ROR1: variants seen among roughly 807,000 people sequenced by gnomAD.
The protein encoded by ROR1 is ROR family WNT receptor 1, also known as inactive tyrosine-protein kinase transmembrane receptor ROR1.
Under a neutral mutation model 78.8 loss-of-function variants are expected in ROR1, and 19 were observed. That is an observed-to-expected ratio of 0.24 (90% CI 0.17 to 0.35). The LOEUF (loss-of-function observed/expected upper bound fraction) is 0.35, where lower values mean the gene tolerates loss of function less well. ROR1 is among the 10% of genes least tolerant of loss of function. The probability of loss-of-function intolerance (pLI) is 1.00; values close to 1 mark genes in which losing one functional copy is unlikely to be tolerated. For synonymous variants in ROR1, 386 were observed against 433.6 expected, an observed-to-expected ratio of 0.89 and a Z score of 1.36; for missense variants, 917 against 1,177.8, an observed-to-expected ratio of 0.78 and a Z score of 3.24.
In ROR1 at chr1:64,180,734, A is replaced by G. The variant is rs754701934; in HGVS notation, c.*1879A>G. 1 of 152,152 alleles carries G rather than the reference A, an allele frequency of 6.6e-6. No homozygotes were observed. The highest frequency in any genetic ancestry group is 1.5e-5 in the Non-Finnish European group (1 of 67,986). The allele number at this position is 152,152 out of a possible 1,614,324, so 9.4% of individuals were successfully genotyped here. ...AATTTTGTATATCATATGACAATCA[A>G]TTGTTTTCCAAGAATATTTATTATT... On this transcript the variant is annotated 3_prime_UTR_variant, in exon 9 of 9. Transcript: ENST00000371079.
chr1:63,911,775 A>T (rs1645572063), intron 1 of ROR1, among the ~76,000 whole-genome samples: 2 of 152,220 alleles, frequency 1.3e-5, no homozygotes, highest in Non-Finnish European at 2.9e-5. Flanking sequence ...AGGAATAAAA[A>T]GTTTAAGCCA....
chr1:63,887,436 G>T (rs1645364859), intron 1 of ROR1, among the ~76,000 whole-genome samples: 1 of 151,956 alleles, frequency 6.6e-6, no homozygotes, highest in Non-Finnish European at 1.5e-5. Flanking sequence ...TTATGTGTTT[G>T]GTTCCATCAG....
At chr1:63,903,348 A>AT (rs1307396351) in intron 1 of ROR1, among the ~76,000 whole-genome samples, 2 of 152,036 alleles carry the variant, frequency 1.3e-5, no homozygotes, top group East Asian at 3.8e-4. Context: ...AGTGCCAGGG[A>AT]TATTTCTCCC....
At chr1:64,059,169 A>T (rs1646897248) in intron 4 of ROR1, among the ~76,000 whole-genome samples, 1 of 151,808 alleles carries the variant, frequency 6.6e-6, no homozygotes, top group South Asian at 2.1e-4. Flanking sequence ...TTTATTCCTA[A>T]TTTTAATAAT....
At chr1:64,057,732 G>C (rs566391706) in intron 4 of ROR1, among the ~76,000 whole-genome samples, 1 of 152,146 alleles carries the variant, frequency 6.6e-6, no homozygotes, top group Non-Finnish European at 1.5e-5. Context: ...AATAACTCAG[G>C]ACTGTACCTT....
intron 2 of ROR1, chr1:64,028,889 G>A (rs1329489013): frequency 2.0e-5 from 3 of 151,974 alleles, no homozygotes; most frequent in Non-Finnish European, 4.4e-5. Flanking sequence ...CTTATTCATT[G>A]TTTTAAAAAT....
Position 63,799,643 on chromosome 1 carries a change from G to GT in ROR1, c.91+25146dup, listed in dbSNP as rs58126335. 4.5e-3 allele frequency among the ~76,000 whole-genome samples: 661 copies of GT among 147,338 alleles called. 8 individuals carry two copies. Among genetic ancestry groups the GT allele is most frequent in the East Asian group, 0.025 (127 of 5,070 alleles). ...AAAAAACACCCATTTTTCCTCTCCTGTTTTTTTTTTTGTTTTTAAACAGCT... is the reference window on the plus strand; with the variant it reads ...AAAAAACACCCATTTTTCCTCTCCTGTTTTTTTTTTTTGTTTTTAAACAGCT... On this transcript the variant is annotated intron_variant, in intron 1 of 8. Transcript: ENST00000371079.
At chr1:63,823,234 G>A (rs1221455416) in intron 1 of ROR1, among the ~76,000 whole-genome samples, 1 of 151,970 alleles carries the variant, frequency 6.6e-6, no homozygotes, top group Non-Finnish European at 1.5e-5. Flanking sequence ...AATCCATGAT[G>A]GGACTTGCTA....
At chr1:63,838,560 G>A (rs547571371) in intron 1 of ROR1, among the ~76,000 whole-genome samples, 2 of 152,202 alleles carry the variant, frequency 1.3e-5, no homozygotes, top group African/African-American at 4.8e-5. Context: ...GCTATACAAT[G>A]TGTTTATGTT....
At chr1:64,071,996 A>G (rs1647007940) in intron 4 of ROR1, among the ~76,000 whole-genome samples, 1 of 152,156 alleles carries the variant, frequency 6.6e-6, no homozygotes, top group African/African-American at 2.4e-5. Flanking sequence ...GTTGTGGTCC[A>G]TGGTTTAGTT....
chr1:64,163,222 AACACACACACACACACACACAC>A lies in ROR1; in HGVS notation c.1386+4054_1386+4075del, dbSNP rs57880828. On this transcript the variant is annotated intron_variant, in intron 8 of 8. Transcript: ENST00000371079. ...AACATGGGGAAACCCCATCTCTACA[AACACACACACACACACACACAC>A]ACACACACACACACACACACACAAT... Among the ~76,000 whole-genome samples the A allele has an allele frequency of 3.9e-3, 536 of 137,760 alleles. 3 individuals carry two copies. Among genetic ancestry groups the A allele is most frequent in the Non-Finnish European group, 5.7e-3 (360 of 63,630 alleles). 90.4% of individuals were successfully genotyped at this position (137,760 alleles called of 152,430 possible). A position where few individuals can be genotyped will look rare whatever the true frequency, so the allele number is the denominator to read the frequency against.
chr1:64,164,726 T>C lies in ROR1; in HGVS notation c.1386+5534T>C, dbSNP rs184475687. Among the ~76,000 whole-genome samples, 998 of 152,248 alleles carry C rather than the reference T, an allele frequency of 6.6e-3. 6 individuals are homozygous for C. Among genetic ancestry groups the C allele is most frequent in the Middle Eastern group, 0.027 (8 of 294 alleles). On this transcript the variant is annotated intron_variant, in intron 8 of 8. Transcript: ENST00000371079. ...TATTAAGCCCAGTACTCATTAGTTA[T>C]TTTTCCTGATCCTCTCCCTCCTCCC...
chr1:63,902,432 C>G (rs1007317012), intron 1 of ROR1, among the ~76,000 whole-genome samples: 3 of 151,796 alleles, frequency 2.0e-5, no homozygotes, highest in Non-Finnish European at 4.4e-5. Context: ...ATCCTCTCAC[C>G]TCAGCCTCCT....
chr1:64,053,845 C>T (rs1569638298), intron 4 of ROR1, among the ~76,000 whole-genome samples: 1 of 152,172 alleles, frequency 6.6e-6, no homozygotes, highest in Admixed American at 6.5e-5. Context: ...GTTTGCCTTC[C>T]TTTCAGGAAA....
At chr1:63,903,771 A>T (rs1218850075) in intron 1 of ROR1, among the ~76,000 whole-genome samples, 1 of 151,876 alleles carries the variant, frequency 6.6e-6, no homozygotes. Context: ...ATATATTTTT[A>T]TATATAGATA....
At chr1:64,050,365 A>G (rs759837032) in intron 3 of ROR1, among the ~76,000 whole-genome samples, 4 of 152,170 alleles carry the variant, frequency 2.6e-5, no homozygotes, top group African/African-American at 2.4e-5. Flanking sequence ...CACTGTTGCA[A>G]TCAACACCTT....
At chr1:64,017,624 C>G (rs1289908836) in intron 2 of ROR1, among the ~76,000 whole-genome samples, 1 of 152,144 alleles carries the variant, frequency 6.6e-6, no homozygotes, top group Non-Finnish European at 1.5e-5. Context: ...GTTATTCCAG[C>G]TCTTGGCACC....
At chr1:63,981,134 T>C (rs1316789085) in intron 1 of ROR1, among the ~76,000 whole-genome samples, 4 of 152,106 alleles carry the variant, frequency 2.6e-5, no homozygotes, top group African/African-American at 7.2e-5. Context: ...GTCCCCACCA[T>C]TTGTTTACCT....
chr1:64,097,911 G>A (rs927748546), intron 4 of ROR1, among the ~76,000 whole-genome samples: 2 of 152,158 alleles, frequency 1.3e-5, no homozygotes, highest in Non-Finnish European at 2.9e-5. Flanking sequence ...AGGATTGGCA[G>A]TTGCTGAATA....
Sources: gnomAD v4.1 joint callset for allele counts (sites outside exome capture counted in the v4.1 genomes callset) on GRCh38, gnomAD v4.1.1 for gene constraint, MANE v1.5 for transcripts, NCBI Gene and HGNC (gene_info 2026-07-23, HGNC 2026-07-21) for gene names.